SLC37A1: variants seen among roughly 807,000 people sequenced by gnomAD.
SLC37A1 encodes the protein glucose-6-phosphate exchanger SLC37A1.
Under a neutral mutation model 75.3 loss-of-function variants are expected in SLC37A1, and 49 were observed. The observed-to-expected ratio is 0.65, with a 90% CI of 0.52 to 0.83. SLC37A1 has a LOEUF of 0.83. Ranked by LOEUF, SLC37A1 falls within the 40% of genes least tolerant of loss-of-function variation. SLC37A1 has a pLI of 0.00. For missense variants in SLC37A1, 566 were observed against 695.0 expected (o/e 0.81, Z 2.09); for synonymous variants, 268 against 292.1 (o/e 0.92, Z 0.84).
At chr21:42,535,179 C>T (rs757638584) in intron 4 of SLC37A1, among the ~76,000 whole-genome samples, 3 of 152,180 alleles carry the variant, frequency 2.0e-5, no homozygotes, top group Non-Finnish European at 4.4e-5. Flanking sequence ...CCAGTGGACA[C>T]GTAAAAGAAA....
chr21:42,519,406 G>A (rs59265297), intron 2 of SLC37A1, among the ~76,000 whole-genome samples: 5,353 of 152,242 alleles, frequency 0.035, 312 homozygotes, highest in African/African-American at 0.12. Context: ...TCCTGTTTCA[G>A]TGCAGTGTGG....
At position 42,563,981 on chromosome 21, in the gene SLC37A1, A is replaced by G. The variant is rs57656887; in HGVS notation, c.1135+104A>G. On this transcript the variant is annotated intron_variant, in intron 13 of 19. Transcript: ENST00000352133. ...GGAACAGGGTTCCCCAAGGTCTCAT[A>G]TCCCCTGAGTGGGCCCAGCCCAAGA... is the stretch of plus-strand genomic sequence containing the variant. The G allele has an allele frequency of 0.01, 13,894 of 1,343,416 alleles. 1,100 individuals are homozygous for G. In the African/African-American group the frequency reaches 0.17, roughly 17 times the overall value. 83.2% of individuals were successfully genotyped at this position (1,343,416 alleles called of 1,614,324 possible).
At chr21:42,502,880 A>C (rs938614096) in intron 2 of SLC37A1, 2 of 152,240 alleles carry the variant, frequency 1.3e-5, no homozygotes, top group Non-Finnish European at 2.9e-5. Flanking sequence ...CAATTATTAA[A>C]TATTACTGAG....
chr21:42,569,892 C>T (rs998468259), intron 17 of SLC37A1, among the ~76,000 whole-genome samples: 15 of 152,254 alleles, frequency 9.9e-5, no homozygotes, highest in Non-Finnish European at 1.6e-4. Flanking sequence ...GCCGGACAGG[C>T]CCCAGGCGCC....
intron 9 of SLC37A1, among the ~76,000 whole-genome samples, chr21:42,553,253 C>CTT (rs2055600794): frequency 6.6e-6 from 1 of 152,208 alleles, no homozygotes. Context: ...ATCTGGGCCT[C>CTT]TCTAAGCCTT....
chr21:42,502,128 T>C (rs2054347138), intron 1 of SLC37A1, among the ~76,000 whole-genome samples: 1 of 152,222 alleles, frequency 6.6e-6, no homozygotes, highest in Non-Finnish European at 1.5e-5. Flanking sequence ...TATGTAACAT[T>C]TGATGCATGC....
intron 10 of SLC37A1, among the ~76,000 whole-genome samples, 164 bp downstream of exon 10, chr21:42,554,306 G>C (rs75526054): frequency 0.019 from 2,883 of 152,294 alleles, 93 homozygotes; most frequent in African/African-American, 0.066. Context: ...ATTTGAGTTT[G>C]CCCTTATTGG....
Position 42,532,152 on chromosome 21 carries a change from C to T in SLC37A1, c.139-2546C>T, listed in dbSNP as rs115050993. ...ATCCCAGCTTAGGCCTGTCTGCTGCCGAAGCCTATATCCCTAACCAGGATG... is the reference window on the plus strand; with the variant it reads ...ATCCCAGCTTAGGCCTGTCTGCTGCTGAAGCCTATATCCCTAACCAGGATG... On this transcript the variant is annotated intron_variant, in intron 3 of 19. Transcript: ENST00000352133. 5.9e-3 allele frequency among the ~76,000 whole-genome samples: 893 copies of T among 152,166 alleles called. 5 individuals carry two copies. Among genetic ancestry groups the T allele is most frequent in the African/African-American group, 0.02 (850 of 41,516 alleles).
chr21:42,573,302 C>A (rs1056833806), intron 17 of SLC37A1, among the ~76,000 whole-genome samples: 12 of 150,362 alleles, frequency 8.0e-5, no homozygotes, highest in Non-Finnish European at 1.3e-4. Flanking sequence ...CTCTTGCTGA[C>A]CCCCTTCCGT....
chr21:42,509,192 C>T (rs1017794322), upstream of SLC37A1: 1 of 152,202 alleles, frequency 6.6e-6, no homozygotes, highest in African/African-American at 2.4e-5. The surrounding 1 kb of genome is among the most constrained non-coding windows in gnomAD (Gnocchi z 4.2). Context: ...TGGTAGTTCC[C>T]TATATTTCTA....
chr21:42,559,178 A>T (rs916126380), intron 11 of SLC37A1, 89 bp downstream of exon 11: 9 of 1,500,196 alleles, frequency 6.0e-6, no homozygotes, highest in Non-Finnish European at 8.0e-6. Flanking sequence ...GCTTAAAAAG[A>T]CATCTGTGGT....
intron 2 of SLC37A1, among the ~76,000 whole-genome samples, chr21:42,508,101 A>C (rs2146681089): frequency 6.6e-6 from 1 of 151,280 alleles, no homozygotes; most frequent in Admixed American, 6.6e-5. Flanking sequence ...ACCAAACTAT[A>C]ACTGGACTGA....
Position 42,545,865 on chromosome 21 carries a change from G to A in SLC37A1, c.731-1238G>A, listed in dbSNP as rs1016233265. On this transcript the variant is annotated intron_variant, in intron 8 of 19. Coordinates refer to ENST00000352133, the MANE Select transcript of SLC37A1 (RefSeq NM_001320537.2). The surrounding 1 kb of genome is among the most constrained non-coding windows in gnomAD (Gnocchi z 4.0). ...GCTGTGCCCAGGACAGGAGGGCGAC[G>A]CACCCCACAGCCAGCCACGGACCTC... 3.9e-5 allele frequency among the ~76,000 whole-genome samples: 6 copies of A among 152,268 alleles called. No individual in the cohort carries two copies. The highest frequency in any genetic ancestry group is 7.3e-5 in the Non-Finnish European group (5 of 68,046).
chr21:42,569,495 AC>A (rs1949593477), intron 17 of SLC37A1, among the ~76,000 whole-genome samples: 1 of 9,266 alleles, frequency 1.1e-4, no homozygotes, highest in Non-Finnish European at 2.6e-4. Context: ...CTCGTGCCGC[AC>A]TCCCTCGTGC....
chr21:42,529,813 G>A (rs1345215722), intron 3 of SLC37A1, among the ~76,000 whole-genome samples: 1 of 152,152 alleles, frequency 6.6e-6, no homozygotes, highest in Non-Finnish European at 1.5e-5. Flanking sequence ...GCACAGCATT[G>A]CCCAGGGCAG....
Position 42,548,898 on chromosome 21 carries a change from T to G in SLC37A1, c.768+1758T>G, listed in dbSNP as rs1213072379. On this transcript the variant is annotated intron_variant, in intron 9 of 19. Coordinates refer to ENST00000352133, the MANE Select transcript of SLC37A1 (RefSeq NM_001320537.2). The surrounding 1 kb of genome is among the most constrained non-coding windows in gnomAD (Gnocchi z 5.6). Reference sequence around the variant, plus strand: ...GGGGGCCAGAGTCCTTTTTCTGTCTTTTCATACCTCGGGCTCCTGGGTGTG... The same window carrying G: ...GGGGGCCAGAGTCCTTTTTCTGTCTGTTCATACCTCGGGCTCCTGGGTGTG... Among the ~76,000 whole-genome samples the G allele has an allele frequency of 6.6e-6, 1 of 152,150 alleles. No individual in the cohort carries two copies. The highest frequency in any genetic ancestry group is 1.5e-5 in the Non-Finnish European group (1 of 68,032).
chr21:42,518,450 C>T lies in SLC37A1; in HGVS notation c.-5C>T, dbSNP rs1265180150. The stretch of plus-strand genomic sequence containing the variant: ...ACCGAGGCTCAGTGGTCAGTGGCGA[C>T]GTAAATGGCTCGACTCCCCGCTGGC... On this transcript the variant is annotated 5_prime_UTR_variant, in exon 2 of 20. In the 5' UTR this introduces an upstream ATG that the reference lacks. Coordinates refer to ENST00000352133, the MANE Select transcript of SLC37A1 (RefSeq NM_001320537.2). 3 of 1,613,960 alleles carry T rather than the reference C, an allele frequency of 1.9e-6. No homozygotes were observed. Among genetic ancestry groups the T allele is most frequent in the Non-Finnish European group, 2.5e-6 (3 of 1,180,012 alleles).
chr21:42,552,261 T>A lies in SLC37A1; in HGVS notation c.769-1801T>A, dbSNP rs2055577488. 6.6e-6 allele frequency among the ~76,000 whole-genome samples: 1 copy of A among 152,198 alleles called. No homozygotes were observed. Among genetic ancestry groups the A allele is most frequent in the Non-Finnish European group, 1.5e-5 (1 of 68,028 alleles). ...ACCTCATTGGGTCCAAAACCCTGTA[T>A]CAGTTGTGTCAAAATTAATGTTTTT... is the stretch of plus-strand genomic sequence containing the variant. On this transcript the variant is annotated intron_variant, in intron 9 of 19. Coordinates refer to ENST00000352133, the MANE Select transcript of SLC37A1 (RefSeq NM_001320537.2). The surrounding 1 kb of genome is among the most constrained non-coding windows in gnomAD (Gnocchi z 4.2).
chr21:42,542,498 T>A lies in SLC37A1; in HGVS notation c.563+18T>A, dbSNP rs1237290553. Reference sequence around the variant, plus strand: ...AAAGGAAGGTGAGAAAAAGCAGCCCTGTTTCCAATAGCAGATGAAAACTAG... The same window carrying A: ...AAAGGAAGGTGAGAAAAAGCAGCCCAGTTTCCAATAGCAGATGAAAACTAG... On this transcript the variant is annotated intron_variant, in intron 7 of 19. Coordinates refer to ENST00000352133, the MANE Select transcript of SLC37A1 (RefSeq NM_001320537.2). 6 of 1,613,428 alleles carry A rather than the reference T, an allele frequency of 3.7e-6. No homozygotes were observed. The Admixed American group carries it at 8.3e-5, about 22-fold the overall frequency.
Sources: allele counts gnomAD v4.1 joint callset (sites outside exome capture counted in the v4.1 genomes callset), GRCh38; gene constraint gnomAD v4.1.1; non-coding constraint Gnocchi (gnomAD v3.1); transcripts MANE v1.5; gene names NCBI Gene and HGNC (gene_info 2026-07-23, HGNC 2026-07-21).